Variants in RNF38 observed in about 807,000 individuals in gnomAD.
The protein encoded by RNF38 is E3 ubiquitin-protein ligase RNF38.
In RNF38, 15 loss-of-function variants were observed where a neutral mutation model predicts 67.2. The ratio of observed to expected loss-of-function variants is 0.22; its 90% CI spans 0.15 to 0.34. RNF38 has a LOEUF of 0.34. Among genes scored for constraint, RNF38 ranks in the 10% least tolerant of loss-of-function variants. The pLI is 1.00. For synonymous variants in RNF38, 220 were observed against 218.8 expected, an observed-to-expected ratio of 1.01 and a Z score of -0.05; for missense variants, 524 against 639.9, an observed-to-expected ratio of 0.82 and a Z score of 1.95.
At chr9:36,363,019 C>T (rs1371074663) in intron 4 of RNF38, among the ~76,000 whole-genome samples, 1 of 99,420 alleles carries the variant, frequency 1.0e-5, no homozygotes, top group Non-Finnish European at 2.6e-5. Flanking sequence ...GCTGTCTTCA[C>T]GGTGATTAAT....
chr9:36,373,576 G>GT (rs1835549749), intron 3 of RNF38, among the ~76,000 whole-genome samples: 1 of 143,032 alleles, frequency 7.0e-6, no homozygotes. Context: ...GTGGGTGTAT[G>GT]TATTTGTTAG....
chr9:36,442,515 C>T (rs1490674658), intron 1 of RNF38, among the ~76,000 whole-genome samples: 1 of 152,236 alleles, frequency 6.6e-6, no homozygotes, highest in African/African-American at 2.4e-5. Context: ...GGCGCAGTGG[C>T]TCACGCCTGT....
At chr9:36,368,575 T>C (rs1472704962) in intron 4 of RNF38, among the ~76,000 whole-genome samples, 1 of 152,348 alleles carries the variant, frequency 6.6e-6, no homozygotes, top group East Asian at 1.9e-4. Flanking sequence ...ACAAAAATTG[T>C]GTTTTTCAGT....
chr9:36,429,718 C>T (rs1490157760), intron 1 of RNF38, among the ~76,000 whole-genome samples: 2 of 152,126 alleles, frequency 1.3e-5, no homozygotes, highest in Admixed American at 1.3e-4. Flanking sequence ...TGTTTGTACC[C>T]AGGAGTCAGA....
intron 2 of RNF38, among the ~76,000 whole-genome samples, chr9:36,382,520 T>G (rs1475279755): frequency 5.9e-5 from 9 of 152,140 alleles, no homozygotes; most frequent in African/African-American, 1.7e-4. Flanking sequence ...GAAAAACAAT[T>G]TTATATGTAA....
At chr9:36,486,596 T>G (rs1840416859) in intron 1 of RNF38, among the ~76,000 whole-genome samples, 1 of 151,992 alleles carries the variant, frequency 6.6e-6, no homozygotes, top group African/African-American at 2.4e-5. Context: ...CCAGCTGAAT[T>G]GGTTTAGTCA....
chr9:36,442,507 C>A (rs116407604), intron 1 of RNF38, among the ~76,000 whole-genome samples: 1 of 152,182 alleles, frequency 6.6e-6, no homozygotes, highest in African/African-American at 2.4e-5. Context: ...ACCTGCCAGG[C>A]GCAGTGGCTC....
At chr9:36,477,983 C>A (rs1840160294) in intron 1 of RNF38, among the ~76,000 whole-genome samples, 1 of 151,564 alleles carries the variant, frequency 6.6e-6, no homozygotes, top group African/African-American at 2.4e-5. Context: ...GGCAACAAAG[C>A]AAGACCTTGT....
chr9:36,423,592 C>T (rs1171989390), intron 2 of RNF38, among the ~76,000 whole-genome samples: 2 of 152,152 alleles, frequency 1.3e-5, no homozygotes, highest in African/African-American at 4.8e-5. Context: ...GCCAGATGTT[C>T]CAAACGCCCA....
intron 1 of RNF38, among the ~76,000 whole-genome samples, chr9:36,477,986 G>A (rs1032343175): frequency 5.9e-5 from 9 of 151,450 alleles, no homozygotes; most frequent in African/African-American, 2.2e-4. Context: ...AACAAAGCAA[G>A]ACCTTGTCTC....
chr9:36,424,311 G>C (rs1055508164), intron 2 of RNF38, among the ~76,000 whole-genome samples: 3 of 152,170 alleles, frequency 2.0e-5, no homozygotes, highest in African/African-American at 4.8e-5. Flanking sequence ...ACACATGTTC[G>C]TATATTAAGA....
At chr9:36,376,184 C>G in intron 2 of RNF38, 57 bp from the exon 3 acceptor site, 1 of 1,307,046 alleles carries the variant, frequency 7.7e-7, no homozygotes, top group East Asian at 2.5e-5. Context: ...TTTCACATTA[C>G]TGCATATGCA....
chr9:36,399,414 A>G (rs1262601859), intron 1 of RNF38, among the ~76,000 whole-genome samples: 1 of 151,206 alleles, frequency 6.6e-6, no homozygotes, highest in Non-Finnish European at 1.5e-5. Context: ...ATATCATAAA[A>G]ATCAACTTAA....
chr9:36,435,478 T>G (rs539329754), intron 1 of RNF38, among the ~76,000 whole-genome samples: 60 of 152,306 alleles, frequency 3.9e-4, no homozygotes, highest in African/African-American at 1.4e-3. Context: ...ATAATTTATA[T>G]TATTCTGTGA....
At chr9:36,364,572 T>A (rs1834805613) in intron 4 of RNF38, among the ~76,000 whole-genome samples, 1 of 152,224 alleles carries the variant, frequency 6.6e-6, no homozygotes, top group Admixed American at 6.5e-5. Context: ...TCACAGAAAA[T>A]GTGTTGGCTT....
chr9:36,423,948 C>CAAA (rs1176900248), intron 2 of RNF38, among the ~76,000 whole-genome samples: 7 of 7,410 alleles, frequency 9.4e-4, no homozygotes, highest in African/African-American at 2.2e-3. Context: ...GACTCCGTCT[C>CAAA]AAAAAAAAAA....
intron 1 of RNF38, 88 bp from the exon 2 acceptor site, chr9:36,390,704 AGGT>A: frequency 4.5e-6 from 6 of 1,343,498 alleles, no homozygotes; most frequent in Non-Finnish European, 6.2e-6. Context: ...TGGATTTTCT[AGGT>A]ATTTGATGAT....
chr9:36,414,640 C>G (rs940076416), intron 2 of RNF38, among the ~76,000 whole-genome samples: 2 of 149,594 alleles, frequency 1.3e-5, no homozygotes, highest in African/African-American at 5.0e-5. Flanking sequence ...GAGCCGGGAT[C>G]GCACCATTGC....
At chr9:36,383,614 T>C (rs1051256686) in intron 2 of RNF38, among the ~76,000 whole-genome samples, 5 of 152,242 alleles carry the variant, frequency 3.3e-5, no homozygotes, top group African/African-American at 1.2e-4. Context: ...ATAATTCTTA[T>C]ACTCCTCAGA....
Sources: allele counts gnomAD v4.1 joint callset (sites outside exome capture counted in the v4.1 genomes callset), GRCh38; gene constraint gnomAD v4.1.1; transcripts MANE v1.5; gene names NCBI Gene and HGNC (gene_info 2026-07-23, HGNC 2026-07-21).